RALYL: variants seen among roughly 807,000 people sequenced by gnomAD.
RALYL encodes RNA-binding Raly-like protein.
In RALYL, 29 loss-of-function variants were observed where a neutral mutation model predicts 35.1. The observed-to-expected ratio is 0.83, with a 90% CI of 0.61 to 1.13. The LOEUF (loss-of-function observed/expected upper bound fraction) is 1.13. Ranked by LOEUF, RALYL falls within the 50% of genes most tolerant of loss-of-function variation. The pLI is 0.00. For synonymous variants in RALYL, 120 were observed against 127.6 expected (o/e 0.94, Z 0.40); for missense variants, 359 against 360.4 (o/e 1.00, Z 0.03).
rs545276120 is a variant in RALYL at position 84,415,384 on chromosome 8, C to T, written c.-23-113915C>T. On this transcript the variant is annotated intron_variant, in intron 1 of 8. Coordinates refer to ENST00000521268, the MANE Select transcript of RALYL (RefSeq NM_173848.7). ...CCTCCCTAGTAGCTGGGATTACAGG[C>T]GCCTGCCACGACGCTTGGCTAATTT... 1.1e-4 allele frequency among the ~76,000 whole-genome samples: 17 copies of T among 151,840 alleles called. No individual in the cohort carries two copies. The South Asian group carries it at 2.5e-3, about 22-fold the overall frequency.
chr8:84,683,327 G>T (rs946864931), intron 2 of RALYL, among the ~76,000 whole-genome samples: 4 of 151,984 alleles, frequency 2.6e-5, no homozygotes, highest in African/African-American at 9.7e-5. Context: ...TGTTGATTTG[G>T]GGTGGAGAGT....
chr8:84,215,785 AAAG>A (rs1294119023), intron 1 of RALYL, among the ~76,000 whole-genome samples: 3 of 152,178 alleles, frequency 2.0e-5, no homozygotes, highest in African/African-American at 7.2e-5. Context: ...TAAAGTGCAC[AAAG>A]AAGAACACAG....
intron 4 of RALYL, among the ~76,000 whole-genome samples, chr8:84,806,902 C>G (rs1824764755): frequency 6.6e-6 from 1 of 151,996 alleles, no homozygotes. Context: ...TCCTAGCCAC[C>G]TGGGGGGCTG....
chr8:84,590,917 C>T (rs1005614380), intron 2 of RALYL, among the ~76,000 whole-genome samples: 5 of 151,798 alleles, frequency 3.3e-5, no homozygotes, highest in South Asian at 2.1e-4. Context: ...ATTTATATTT[C>T]GTCTTATTAA....
chr8:84,842,819 C>A (rs1308875666), intron 4 of RALYL, among the ~76,000 whole-genome samples: 1 of 152,094 alleles, frequency 6.6e-6, no homozygotes, highest in East Asian at 1.9e-4. Context: ...TCAACATAAG[C>A]AAATCAATAA....
chr8:84,401,645 A>C (rs1215505646), intron 1 of RALYL, among the ~76,000 whole-genome samples: 1 of 144,540 alleles, frequency 6.9e-6, no homozygotes, highest in Non-Finnish European at 1.5e-5. Context: ...CTCAAAAAAA[A>C]AAAAAAAAAA....
At chr8:84,309,784 G>T (rs563520714) in intron 1 of RALYL, among the ~76,000 whole-genome samples, 1 of 152,086 alleles carries the variant, frequency 6.6e-6, no homozygotes, top group Non-Finnish European at 1.5e-5. Flanking sequence ...AGCTAAGTGG[G>T]TGTTTGTTTG....
intron 2 of RALYL, among the ~76,000 whole-genome samples, chr8:84,741,662 T>C (rs890484738): frequency 3.3e-5 from 5 of 151,996 alleles, no homozygotes; most frequent in African/African-American, 1.2e-4. Context: ...TACTATCACA[T>C]TGGGTCTTAG....
chr8:84,469,765 A>C, intron 1 of RALYL, among the ~76,000 whole-genome samples: 1 of 152,210 alleles, frequency 6.6e-6, no homozygotes, highest in African/African-American at 2.4e-5. Context: ...GTTTGATCTC[A>C]GACTGCTGTG....
chr8:84,399,377 G>A (rs1030919167), intron 1 of RALYL, among the ~76,000 whole-genome samples: 4 of 152,132 alleles, frequency 2.6e-5, no homozygotes, highest in African/African-American at 9.7e-5. Context: ...CAGAATCCAT[G>A]TCCTTAAAGA....
chr8:84,250,936 GT>G (rs1830074580), intron 1 of RALYL, among the ~76,000 whole-genome samples: 1 of 152,252 alleles, frequency 6.6e-6, no homozygotes, highest in Non-Finnish European at 1.5e-5. Flanking sequence ...CTTCTACTCA[GT>G]TTTAGCATGT....
chr8:84,880,163 T>TA (rs1466257620), intron 7 of RALYL, among the ~76,000 whole-genome samples: 1 of 152,100 alleles, frequency 6.6e-6, no homozygotes, highest in Non-Finnish European at 1.5e-5. Context: ...TATTCAATGA[T>TA]AACATGTCAA....
chr8:84,331,479 A>G (rs892799203), intron 1 of RALYL, among the ~76,000 whole-genome samples: 12 of 152,234 alleles, frequency 7.9e-5, no homozygotes, highest in Admixed American at 6.5e-4. Context: ...GACTGCTTAC[A>G]GTCTCTGAAC....
intron 1 of RALYL, among the ~76,000 whole-genome samples, chr8:84,407,905 TG>T (rs2043707603): frequency 6.6e-6 from 1 of 152,016 alleles, no homozygotes; most frequent in Non-Finnish European, 1.5e-5. Flanking sequence ...ATGAAGAAAT[TG>T]AGGTTTTGTA....
At chr8:84,286,421 T>TC (rs1408274403) in intron 1 of RALYL, among the ~76,000 whole-genome samples, 1 of 152,196 alleles carries the variant, frequency 6.6e-6, no homozygotes, top group Non-Finnish European at 1.5e-5. Context: ...TGCAAAGAGC[T>TC]ATCATTTTTG....
At chr8:84,210,376 A>ATT (rs35997676) in intron 1 of RALYL, among the ~76,000 whole-genome samples, 17 of 149,848 alleles carry the variant, frequency 1.1e-4, no homozygotes, top group Admixed American at 4.0e-4. Flanking sequence ...CTCAAATTGG[A>ATT]TTTTTTTTTT....
intron 2 of RALYL, among the ~76,000 whole-genome samples, chr8:84,709,568 A>T (rs1841808654): frequency 6.6e-6 from 1 of 152,198 alleles, no homozygotes; most frequent in African/African-American, 2.4e-5. Flanking sequence ...TTTAAAAAAA[A>T]ACTATAGTAC....
At chr8:84,843,772 A>G (rs1336483123) in intron 4 of RALYL, among the ~76,000 whole-genome samples, 1 of 152,218 alleles carries the variant, frequency 6.6e-6, no homozygotes, top group Non-Finnish European at 1.5e-5. Flanking sequence ...AAACAGTGAT[A>G]TAGACCAATG....
intron 1 of RALYL, among the ~76,000 whole-genome samples, chr8:84,234,937 G>T (rs1826175832): frequency 1.3e-5 from 2 of 151,798 alleles, no homozygotes; most frequent in African/African-American, 4.8e-5. Flanking sequence ...GCTAATTTTT[G>T]TATTTTTAGT....
Sources: allele counts gnomAD v4.1 joint callset (sites outside exome capture counted in the v4.1 genomes callset), GRCh38; gene constraint gnomAD v4.1.1; transcripts MANE v1.5; gene names NCBI Gene and HGNC (gene_info 2026-07-23, HGNC 2026-07-21).